MBD5: variants seen among roughly 807,000 people sequenced by gnomAD.
The protein encoded by MBD5 is methyl-CpG-binding domain protein 5.
A neutral mutation model predicts 117.3 loss-of-function variants in MBD5; 13 were observed. The ratio of observed to expected loss-of-function variants is 0.11; its 90% CI spans 0.07 to 0.18. The LOEUF (loss-of-function observed/expected upper bound fraction) is 0.18. Ranked by LOEUF, MBD5 falls within the 10% of genes least tolerant of loss-of-function variation. The pLI is 1.00. For synonymous variants in MBD5, 727 were observed against 766.4 expected, an observed-to-expected ratio of 0.95 and a Z score of 0.85; for missense variants, 1,879 against 2,093.8, an observed-to-expected ratio of 0.90 and a Z score of 2.00.
Position 148,483,659 on chromosome 2 carries a change from T to A in MBD5, c.3068T>A (p.Leu1023Ter). Residue 1023 changes from leucine (L) to a stop codon, truncating the protein, a stop_gained, in exon 9 of 14, where the codon TTA becomes TAA. Coordinates refer to ENST00000642680, the MANE Select transcript of MBD5 (RefSeq NM_001378120.1). LOFTEE classifies it high-confidence loss of function. ...CTTTTGCAACAGCAAAATACCCCTT[T>A]ACCCTCATTAACACAGATGACAGCC... The part of the protein sequence containing the change: ...SDLLQQQNTP[L>*]PSLTQMTAPP... 6.4e-7 allele frequency: 1 copy of A among 1,550,784 alleles called. No homozygotes were observed. The highest frequency in any genetic ancestry group is 8.7e-7 in the Non-Finnish European group (1 of 1,147,022).
intron 4 of MBD5, among the ~76,000 whole-genome samples, chr2:148,380,753 G>A (rs1354642730): frequency 6.6e-6 from 1 of 152,086 alleles, no homozygotes; most frequent in Non-Finnish European, 1.5e-5. Flanking sequence ...ACACAGCCGG[G>A]TACTCCTCTG....
intron 4 of MBD5, among the ~76,000 whole-genome samples, chr2:148,383,252 A>G (rs1704218142): frequency 6.6e-6 from 1 of 152,220 alleles, no homozygotes. Context: ...AAATAGATGA[A>G]ATAAAAAATG....
chr2:148,234,161 A>C (rs1348513310), intron 3 of MBD5, among the ~76,000 whole-genome samples: 1 of 152,138 alleles, frequency 6.6e-6, no homozygotes, highest in East Asian at 1.9e-4. Context: ...TAAGTAGATG[A>C]AAATAAAACA....
At chr2:148,415,993 A>G (rs1160085085) in intron 4 of MBD5, among the ~76,000 whole-genome samples, 1 of 152,168 alleles carries the variant, frequency 6.6e-6, no homozygotes, top group African/African-American at 2.4e-5. Flanking sequence ...ATTAAAAACC[A>G]GTTTTAAGGA....
At chr2:148,504,530 CA>C (rs1199521520) in intron 12 of MBD5, among the ~76,000 whole-genome samples, 2 of 151,728 alleles carry the variant, frequency 1.3e-5, no homozygotes, top group African/African-American at 2.4e-5. Flanking sequence ...ACAAATTTAG[CA>C]AAAAAAATCT....
chr2:148,177,710 CCTACCTCATA>C (rs1316289801), intron 1 of MBD5, among the ~76,000 whole-genome samples: 19 of 152,104 alleles, frequency 1.2e-4, no homozygotes, highest in African/African-American at 4.3e-4. Context: ...GAGCCCTGGC[CCTACCTCATA>C]CTAATTAAAC....
At chr2:148,081,611 T>TAAG (rs1695650370) in intron 1 of MBD5, among the ~76,000 whole-genome samples, 1 of 152,168 alleles carries the variant, frequency 6.6e-6, no homozygotes, top group South Asian at 2.1e-4. Flanking sequence ...TAATAAGGAA[T>TAAG]AAGAGTACAG....
At chr2:148,240,247 C>T (rs1432342823) in intron 3 of MBD5, among the ~76,000 whole-genome samples, 3 of 152,030 alleles carry the variant, frequency 2.0e-5, no homozygotes, top group Non-Finnish European at 2.9e-5. Context: ...GTGGGGAACA[C>T]CACACACTGG....
intron 1 of MBD5, among the ~76,000 whole-genome samples, chr2:148,167,212 T>C (rs11893064): frequency 0.012 from 1,878 of 152,294 alleles, 45 homozygotes; most frequent in African/African-American, 0.043. Context: ...TAAAATGGTA[T>C]TTATTAAAAA....
At chr2:148,218,280 T>A (rs1157478188) in intron 2 of MBD5, among the ~76,000 whole-genome samples, 1 of 152,168 alleles carries the variant, frequency 6.6e-6, no homozygotes, top group African/African-American at 2.4e-5. Flanking sequence ...CACATATCTC[T>A]CATCTTCCTT....
chr2:148,293,642 C>G (rs574626258), intron 3 of MBD5, among the ~76,000 whole-genome samples: 21 of 152,226 alleles, frequency 1.4e-4, no homozygotes, highest in Non-Finnish European at 2.9e-4. Flanking sequence ...GTTTCCTTGG[C>G]TAGAACTTCC....
At chr2:148,317,746 A>G (rs1378241968) in intron 3 of MBD5, among the ~76,000 whole-genome samples, 1 of 151,732 alleles carries the variant, frequency 6.6e-6, no homozygotes, top group Non-Finnish European at 1.5e-5. Context: ...ACTTAGCTGT[A>G]ATGACCTCCA....
intron 3 of MBD5, among the ~76,000 whole-genome samples, chr2:148,324,951 G>C (rs1351245367): frequency 6.6e-6 from 1 of 152,124 alleles, no homozygotes; most frequent in Non-Finnish European, 1.5e-5. Context: ...TGCCCATTCA[G>C]TATGATATTG....
chr2:148,321,755 C>T (rs1574283242), intron 3 of MBD5, among the ~76,000 whole-genome samples: 1 of 151,978 alleles, frequency 6.6e-6, no homozygotes, highest in Non-Finnish European at 1.5e-5. Context: ...ATATTAAAAT[C>T]CCAACTCTTT....
intron 4 of MBD5, among the ~76,000 whole-genome samples, chr2:148,424,300 A>G (rs573889282): frequency 6.6e-6 from 1 of 151,822 alleles, no homozygotes; most frequent in Non-Finnish European, 1.5e-5. Flanking sequence ...GCATTACATA[A>G]TGATAAAGGG....
At chr2:148,184,169 G>A (rs1424390033) in intron 2 of MBD5, among the ~76,000 whole-genome samples, 4 of 151,720 alleles carry the variant, frequency 2.6e-5, no homozygotes, top group African/African-American at 2.4e-5. Flanking sequence ...ATGCCACCAC[G>A]CCCAGCTAAT....
chr2:148,059,234 G>A lies in MBD5; in HGVS notation c.-925+37550G>A, dbSNP rs1156274231. On this transcript the variant is annotated intron_variant, in intron 1 of 13. Coordinates refer to ENST00000642680, the MANE Select transcript of MBD5 (RefSeq NM_001378120.1). Reference sequence around the variant, plus strand: ...TTATAAATATTTAACTGAAGAGTTGGCAATGGCTTTTTTAATATGAAAATA... The same window carrying A: ...TTATAAATATTTAACTGAAGAGTTGACAATGGCTTTTTTAATATGAAAATA... Among the ~76,000 whole-genome samples the A allele has an allele frequency of 5.9e-5, 9 of 152,000 alleles. No homozygotes were observed. The South Asian group carries it at 1.0e-3, about 18-fold the overall frequency.
At chr2:148,136,314 A>G (rs2105502012) in intron 1 of MBD5, among the ~76,000 whole-genome samples, 1 of 152,252 alleles carries the variant, frequency 6.6e-6, no homozygotes, top group Non-Finnish European at 1.5e-5. Flanking sequence ...TGAATTTATA[A>G]TCTGGGGGGT....
chr2:148,180,338 TTATACATA>T (rs1476133391), intron 2 of MBD5, among the ~76,000 whole-genome samples: 6 of 13,680 alleles, frequency 4.4e-4, no homozygotes, highest in Admixed American at 1.9e-3. Flanking sequence ...TAAAAAAAAA[TTATACATA>T]TATATATATA....
Sources: allele counts gnomAD v4.1 joint callset (sites outside exome capture counted in the v4.1 genomes callset), GRCh38; gene constraint gnomAD v4.1.1; transcripts MANE v1.5; gene names NCBI Gene and HGNC (gene_info 2026-07-23, HGNC 2026-07-21).